Variants in THSD7B observed in about 807,000 individuals in gnomAD.
THSD7B encodes the protein thrombospondin type 1 domain containing 7B.
A neutral mutation model predicts 213.6 loss-of-function variants in THSD7B; 138 were observed. That is an observed-to-expected ratio of 0.65 (90% CI 0.56 to 0.74). THSD7B has a LOEUF of 0.74. Among genes scored for constraint, THSD7B ranks in the 30% least tolerant of loss-of-function variants. THSD7B has a pLI of 0.00. For missense variants in THSD7B, 1,931 were observed against 1,991.5 expected, an observed-to-expected ratio of 0.97 and a Z score of 0.58; for synonymous variants, 742 against 687.0, an observed-to-expected ratio of 1.08 and a Z score of -1.25.
intron 10 of THSD7B, among the ~76,000 whole-genome samples, chr2:137,267,762 C>T (rs986538282): frequency 3.3e-5 from 5 of 152,196 alleles, no homozygotes; most frequent in African/African-American, 4.8e-5. Flanking sequence ...ATGGATCTGA[C>T]ATAGATTAAG....
chr2:137,229,668 G>A (rs903512603), intron 7 of THSD7B, among the ~76,000 whole-genome samples: 1 of 152,036 alleles, frequency 6.6e-6, no homozygotes, highest in Admixed American at 6.6e-5. Context: ...ACGGTTAATG[G>A]GAGAAGCAGA....
chr2:137,300,817 G>A (rs1197033992), intron 12 of THSD7B, among the ~76,000 whole-genome samples: 1 of 152,132 alleles, frequency 6.6e-6, no homozygotes, highest in Admixed American at 6.5e-5. Context: ...GGTTGAGCAA[G>A]TTTATACGGA....
intron 12 of THSD7B, among the ~76,000 whole-genome samples, chr2:137,402,855 A>G (rs949498623): frequency 3.3e-5 from 5 of 151,960 alleles, no homozygotes; most frequent in Non-Finnish European, 5.9e-5. Flanking sequence ...TCACATAGCA[A>G]TGCTTTTGAA....
At chr2:136,831,734 C>T (rs1031889871) in intron 1 of THSD7B, among the ~76,000 whole-genome samples, 24 of 152,166 alleles carry the variant, frequency 1.6e-4, no homozygotes, top group Admixed American at 1.0e-3. Context: ...TAGATGCTTT[C>T]GAAAGAAACT....
intron 12 of THSD7B, among the ~76,000 whole-genome samples, chr2:137,325,793 C>T (rs542016702): frequency 2.0e-5 from 3 of 152,294 alleles, no homozygotes; most frequent in South Asian, 2.1e-4. Context: ...TATTCTACTA[C>T]GCAGAACTCA....
chr2:137,236,128 G>A (rs1681757057), intron 9 of THSD7B, among the ~76,000 whole-genome samples: 1 of 152,150 alleles, frequency 6.6e-6, no homozygotes, highest in South Asian at 2.1e-4. Flanking sequence ...TCATTGCAGT[G>A]GGAAAAGATC....
At chr2:136,976,805 T>A (rs918794223) in intron 2 of THSD7B, among the ~76,000 whole-genome samples, 4 of 152,092 alleles carry the variant, frequency 2.6e-5, no homozygotes, top group African/African-American at 9.7e-5. Context: ...GTATTTTTAG[T>A]AGAGACGGGG....
At chr2:137,579,369 TG>T (rs1472715352) in intron 17 of THSD7B, among the ~76,000 whole-genome samples, 4 of 152,148 alleles carry the variant, frequency 2.6e-5, no homozygotes. Context: ...TGGTCCTTCT[TG>T]GGTATAAAGC....
rs145017959 is a variant in THSD7B at position 136,843,252 on chromosome 2, T to C, written c.-35-38892T>C. Among the ~76,000 whole-genome samples the C allele has an allele frequency of 5.3e-5, 8 of 152,344 alleles. No individual in the cohort carries two copies. The East Asian group carries it at 1.5e-3, about 29-fold the overall frequency. On this transcript the variant is annotated intron_variant, in intron 1 of 27. Transcript: ENST00000409968. Reference sequence around the variant, plus strand: ...TCCCATTGTTACAGTTATTGGTGTCTATTGGGAGAAAAGTTAGAATTTTAT... The same window carrying C: ...TCCCATTGTTACAGTTATTGGTGTCCATTGGGAGAAAAGTTAGAATTTTAT...
intron 2 of THSD7B, among the ~76,000 whole-genome samples, chr2:136,924,874 A>C (rs1205604853): frequency 6.6e-6 from 1 of 152,110 alleles, no homozygotes; most frequent in African/African-American, 2.4e-5. Flanking sequence ...TTTGGTGTAC[A>C]AGTCTTTTAC....
At chr2:137,485,435 T>C (rs1236762507) in intron 15 of THSD7B, among the ~76,000 whole-genome samples, 1 of 152,186 alleles carries the variant, frequency 6.6e-6, no homozygotes, top group Non-Finnish European at 1.5e-5. Flanking sequence ...CTTTGTAGTA[T>C]AGTTTGAAGT....
chr2:137,560,030 A>C (rs998892569), intron 15 of THSD7B, among the ~76,000 whole-genome samples: 3 of 145,102 alleles, frequency 2.1e-5, no homozygotes, highest in Admixed American at 1.4e-4. Context: ...CACACCATTT[A>C]GAATGGCGAT....
At chr2:136,864,382 A>T (rs1393053343) in intron 1 of THSD7B, among the ~76,000 whole-genome samples, 2 of 152,208 alleles carry the variant, frequency 1.3e-5, no homozygotes, top group African/African-American at 4.8e-5. Flanking sequence ...AAGTAAGAGG[A>T]CAAAGAAGAA....
At chr2:137,252,007 G>A (rs1230778653) in intron 10 of THSD7B, among the ~76,000 whole-genome samples, 1 of 152,056 alleles carries the variant, frequency 6.6e-6, no homozygotes, top group South Asian at 2.1e-4. Context: ...AGTGGCTCAC[G>A]CCTGTAATAC....
At chr2:137,572,693 C>T (rs1681381423) in intron 17 of THSD7B, 137 bp downstream of exon 17, 2 of 1,119,290 alleles carry the variant, frequency 1.8e-6, no homozygotes, top group Non-Finnish European at 2.4e-6. Context: ...TTGAGAAATC[C>T]AAAGAAAGAA....
chr2:137,457,191 T>C (rs1687780026), intron 15 of THSD7B, among the ~76,000 whole-genome samples: 1 of 152,248 alleles, frequency 6.6e-6, no homozygotes, highest in South Asian at 2.1e-4. Context: ...CTTTGATCAT[T>C]ATTCTTGCGA....
In THSD7B at chr2:136,997,898, G is replaced by A. The variant is rs1258512338; in HGVS notation, c.140-58522G>A. 2.6e-5 allele frequency among the ~76,000 whole-genome samples: 4 copies of A among 152,172 alleles called. No homozygotes were observed. The South Asian group carries it at 8.3e-4, about 32-fold the overall frequency. On this transcript the variant is annotated intron_variant, in intron 2 of 27. Coordinates refer to ENST00000409968, the MANE Select transcript of THSD7B (RefSeq NM_001316349.2). ...CTCAGCTTAAGCCAGTCAAGCGGGAGGACATGGCTAAGACACAAAGGGTTC... is the reference window on the plus strand; with the variant it reads ...CTCAGCTTAAGCCAGTCAAGCGGGAAGACATGGCTAAGACACAAAGGGTTC...
At chr2:137,158,703 G>C (rs1044101993) in intron 5 of THSD7B, among the ~76,000 whole-genome samples, 1 of 151,998 alleles carries the variant, frequency 6.6e-6, no homozygotes, top group Non-Finnish European at 1.5e-5. Context: ...GGTGTTCGAA[G>C]TTCTGCTGGT....
intron 5 of THSD7B, among the ~76,000 whole-genome samples, chr2:137,141,881 T>C (rs922777623): frequency 6.6e-6 from 1 of 152,150 alleles, no homozygotes. Context: ...GCTATCACCC[T>C]TGTCTCCTAA....
Sources: allele counts gnomAD v4.1 joint callset (sites outside exome capture counted in the v4.1 genomes callset), GRCh38; gene constraint gnomAD v4.1.1; transcripts MANE v1.5; gene names NCBI Gene and HGNC (gene_info 2026-07-23, HGNC 2026-07-21).